SLC25A48: variants seen among roughly 807,000 people sequenced by gnomAD.
SLC25A48 encodes CTC-321K16.1.
Under a neutral mutation model 32.2 loss-of-function variants are expected in SLC25A48, and 29 were observed. The ratio of observed to expected loss-of-function variants is 0.90; its 90% confidence interval spans 0.67 to 1.23. The LOEUF (loss-of-function observed/expected upper bound fraction) is 1.23. Among genes scored for constraint, SLC25A48 ranks in the 50% most tolerant of loss-of-function variants. The probability of loss-of-function intolerance (pLI) is 0.00; values close to 1 mark genes in which losing one functional copy is unlikely to be tolerated. For synonymous variants in SLC25A48, 164 were observed against 172.3 expected, an observed-to-expected ratio of 0.95 and a Z score of 0.38; for missense variants, 399 against 422.7, an observed-to-expected ratio of 0.94 and a Z score of 0.49.
intron 3 of SLC25A48, among the ~76,000 whole-genome samples, chr5:135,751,518 T>C (rs1179565288): frequency 3.3e-5 from 5 of 152,134 alleles, no homozygotes; most frequent in African/African-American, 1.2e-4. Flanking sequence ...GACACCTATC[T>C]GCCAACTTTT....
intron 3 of SLC25A48, among the ~76,000 whole-genome samples, chr5:135,759,426 T>G (rs1288036546): frequency 6.6e-6 from 1 of 152,212 alleles, no homozygotes; most frequent in East Asian, 1.9e-4. Flanking sequence ...CTTCTGCTAC[T>G]ACAAGCACTG....
At chr5:135,727,581 A>T in intron 3 of SLC25A48, among the ~76,000 whole-genome samples, 1 of 152,264 alleles carries the variant, frequency 6.6e-6, no homozygotes, top group African/African-American at 2.4e-5. Context: ...GTTAATTTAC[A>T]TATAAAGAGT....
At chr5:135,692,580 C>T (rs1382908392) in intron 3 of SLC25A48, among the ~76,000 whole-genome samples, 1 of 152,172 alleles carries the variant, frequency 6.6e-6, no homozygotes, top group African/African-American at 2.4e-5. Context: ...TTTGTCCTCT[C>T]AGAGGGTTAT....
chr5:135,795,630 G>A (rs181298641), intron 3 of SLC25A48, among the ~76,000 whole-genome samples: 35 of 151,872 alleles, frequency 2.3e-4, no homozygotes, highest in African/African-American at 8.2e-4. Context: ...AACATCACAG[G>A]GGTTGTACAC....
chr5:135,632,807 G>A (rs968848070), intron 2 of SLC25A48, among the ~76,000 whole-genome samples: 6 of 152,152 alleles, frequency 3.9e-5, no homozygotes, highest in Non-Finnish European at 8.8e-5. Flanking sequence ...TTCAGCAGTG[G>A]CTCTCATGCA....
At chr5:135,642,434 T>C (rs923328914) in intron 3 of SLC25A48, among the ~76,000 whole-genome samples, 1 of 152,200 alleles carries the variant, frequency 6.6e-6, no homozygotes, top group Non-Finnish European at 1.5e-5. Context: ...CCCTGCCTGG[T>C]GGGCAGGACC....
intron 3 of SLC25A48, among the ~76,000 whole-genome samples, chr5:135,764,441 C>A (rs1040916509): frequency 1.3e-5 from 2 of 151,510 alleles, no homozygotes; most frequent in Non-Finnish European, 2.9e-5. Context: ...GGTGATATAA[C>A]TTCCATATCG....
At chr5:135,779,495 T>G (rs1756666560) in intron 3 of SLC25A48, among the ~76,000 whole-genome samples, 1 of 150,166 alleles carries the variant, frequency 6.7e-6, no homozygotes, top group Non-Finnish European at 1.5e-5. Context: ...GAGGATGATA[T>G]TACTCCCAAT....
upstream of SLC25A48, among the ~76,000 whole-genome samples, chr5:135,831,280 G>A (rs1758199660): frequency 6.6e-6 from 1 of 152,222 alleles, no homozygotes; most frequent in Non-Finnish European, 1.5e-5. Context: ...CCAGCCACCA[G>A]CAGGACCTTC....
intron 3 of SLC25A48, among the ~76,000 whole-genome samples, chr5:135,762,329 G>A (rs1355305241): frequency 6.6e-6 from 1 of 152,172 alleles, no homozygotes; most frequent in Non-Finnish European, 1.5e-5. Flanking sequence ...TGGGGGTGAA[G>A]GGTGGTGTTT....
chr5:135,630,420 C>G (rs1752529735), intron 2 of SLC25A48, among the ~76,000 whole-genome samples: 1 of 152,010 alleles, frequency 6.6e-6, no homozygotes, highest in African/African-American at 2.4e-5. Context: ...ATGAGGAAAC[C>G]AATACTCCAG....
At chr5:135,769,718 A>G (rs1163208267) in intron 3 of SLC25A48, among the ~76,000 whole-genome samples, 1 of 133,784 alleles carries the variant, frequency 7.5e-6, no homozygotes, top group Non-Finnish European at 1.6e-5. Context: ...AGCGTGGGAG[A>G]GGATGATGTT....
intron 7 of SLC25A48, among the ~76,000 whole-genome samples, chr5:135,884,434 CA>C (rs1307932483): frequency 1.3e-5 from 2 of 152,210 alleles, no homozygotes; most frequent in Non-Finnish European, 2.9e-5. Context: ...AGTTACTGTT[CA>C]AGCTGCCCAC....
chr5:135,717,205 C>T (rs1754821899), intron 3 of SLC25A48, among the ~76,000 whole-genome samples: 1 of 152,186 alleles, frequency 6.6e-6, no homozygotes, highest in Non-Finnish European at 1.5e-5. Flanking sequence ...CCAGCTCTGG[C>T]AAGAAACTCG....
At chr5:135,714,402 C>T (rs1754747020) in intron 3 of SLC25A48, among the ~76,000 whole-genome samples, 2 of 152,204 alleles carry the variant, frequency 1.3e-5, no homozygotes, top group South Asian at 4.1e-4. Context: ...GCCCTCTCTG[C>T]CCTGTTCCAC....
chr5:135,775,896 A>G (rs1756544981), intron 3 of SLC25A48, among the ~76,000 whole-genome samples: 1 of 151,480 alleles, frequency 6.6e-6, no homozygotes, highest in African/African-American at 2.4e-5. Flanking sequence ...AGATGATGGT[A>G]TTACGATCAA....
At chr5:135,697,508 G>A (rs566827514) in intron 3 of SLC25A48, among the ~76,000 whole-genome samples, 26 of 152,336 alleles carry the variant, frequency 1.7e-4, no homozygotes, top group African/African-American at 6.0e-4. Context: ...TTTTTGAGGA[G>A]TTAGACCAGT....
At chr5:135,823,883 G>C (rs1424710657) in intron 4 of SLC25A48, among the ~76,000 whole-genome samples, 1 of 152,228 alleles carries the variant, frequency 6.6e-6, no homozygotes, top group Non-Finnish European at 1.5e-5. Flanking sequence ...TGGCAAGTGA[G>C]ATGGATCAAG....
intron 1 of SLC25A48, among the ~76,000 whole-genome samples, chr5:135,838,855 G>A (rs940089932): frequency 2.6e-5 from 4 of 152,228 alleles, no homozygotes; most frequent in African/African-American, 9.6e-5. Context: ...CTGCAGGGGT[G>A]GGGCCCTCAT....
Sources: allele counts gnomAD v4.1 joint callset (sites outside exome capture counted in the v4.1 genomes callset), GRCh38; gene constraint gnomAD v4.1.1; transcripts MANE v1.5; gene names NCBI Gene and HGNC (gene_info 2026-07-23, HGNC 2026-07-21).